Variants in APBA1 observed in about 807,000 individuals in gnomAD.
APBA1 encodes amyloid beta precursor protein binding family A member 1.
Under a neutral mutation model 86.6 loss-of-function variants are expected in APBA1, and 55 were observed. That is an observed-to-expected ratio of 0.64 (90% CI 0.51 to 0.80). APBA1 has a LOEUF of 0.80. Among genes scored for constraint, APBA1 ranks in the 30% least tolerant of loss-of-function variants. The pLI, the probability that APBA1 is intolerant of heterozygous loss-of-function variation, is 0.00. For synonymous variants in APBA1, 511 were observed against 493.9 expected (o/e 1.03, Z -0.46); for missense variants, 1,090 against 1,183.0 (o/e 0.92, Z 1.15).
chr9:69,616,130 A>G (rs572023583), intron 1 of APBA1, among the ~76,000 whole-genome samples: 6 of 152,336 alleles, frequency 3.9e-5, no homozygotes, highest in African/African-American at 1.4e-4. Flanking sequence ...CTTTTAGTCC[A>G]CGCAGTGAGT....
At chr9:69,519,394 G>A (rs1169568308) in intron 1 of APBA1, among the ~76,000 whole-genome samples, 4 of 152,226 alleles carry the variant, frequency 2.6e-5, no homozygotes, top group Non-Finnish European at 4.4e-5. Flanking sequence ...GCTGCTACGG[G>A]CCTCCAGTGG....
At chr9:69,482,030 C>G (rs1343325825) in intron 2 of APBA1, among the ~76,000 whole-genome samples, 1 of 150,904 alleles carries the variant, frequency 6.6e-6, no homozygotes, top group African/African-American at 2.4e-5. Flanking sequence ...AGAAGAAAAC[C>G]TAGGCATTAC....
chr9:69,512,844 CA>C (rs1382276193), intron 2 of APBA1, among the ~76,000 whole-genome samples: 2 of 152,080 alleles, frequency 1.3e-5, no homozygotes, highest in East Asian at 3.9e-4. Flanking sequence ...TAATAAGTAC[CA>C]CCCAGACAGA....
At chr9:69,441,310 CAT>C (rs1834819782) in intron 10 of APBA1, among the ~76,000 whole-genome samples, 195 bp from the exon 11 acceptor site, 1 of 152,224 alleles carries the variant, frequency 6.6e-6, no homozygotes, top group South Asian at 2.1e-4. Context: ...TAAGACGCCA[CAT>C]GTTGCAGATG....
chr9:69,456,338 G>A lies in APBA1; in HGVS notation c.1697C>T (p.Ser566Phe), dbSNP rs557817337. The change falls in exon 8 of 13, where the codon TCC becomes TTC. Residue 566 changes from serine to phenylalanine, a missense_variant. Transcript: ENST00000265381. ...VLMARRRMPR[S>F]NSQENVEASH... ...CGCTTCCACGTTCTCCTGGGAGTTG[G>A]AGCGAGGCATCCGCCGGCGGGCCAT... 3.1e-6 allele frequency: 5 copies of A among 1,614,028 alleles called. No homozygotes were observed. The South Asian group carries it at 4.4e-5, about 14-fold the overall frequency.
At chr9:69,671,971 G>A (rs1588422416) in intron 1 of APBA1, among the ~76,000 whole-genome samples, 182 bp downstream of exon 1, 1 of 152,106 alleles carries the variant, frequency 6.6e-6, no homozygotes, top group Admixed American at 6.5e-5. Context: ...CCCCCGCCTC[G>A]CTAGCTGATG....
chr9:69,490,963 T>C (rs893684917), intron 2 of APBA1, among the ~76,000 whole-genome samples: 4 of 152,076 alleles, frequency 2.6e-5, no homozygotes, highest in Non-Finnish European at 4.4e-5. Flanking sequence ...CAACAGGTGC[T>C]AGAGAGGATG....
chr9:69,590,764 C>T (rs564138314), intron 1 of APBA1, among the ~76,000 whole-genome samples: 24 of 152,328 alleles, frequency 1.6e-4, no homozygotes, highest in African/African-American at 5.8e-4. Context: ...CCTGGCTTCT[C>T]ACTCCCAGCT....
chr9:69,482,490 T>C (rs1588310534), intron 2 of APBA1, among the ~76,000 whole-genome samples: 2 of 151,094 alleles, frequency 1.3e-5, no homozygotes, highest in African/African-American at 2.4e-5. Flanking sequence ...CTGGAGAGGA[T>C]GTGGAGAAAC....
rs1836168360 is a variant in APBA1 at position 69,516,906 on chromosome 9, T to A, written c.305A>T (p.Asp102Val). ...CTGCGCGCGCTCCGCATCGTAGCCG[T>A]CGCGGGCCGCGGCGATCACGTCGCC... ...AEGDVIAAARDGYDAERAQDP... is the reference protein window; with the variant it reads ...AEGDVIAAARVGYDAERAQDP... The change falls in exon 2 of 13, where the codon GAC (aspartate) becomes GTC (valine). Residue 102 changes from aspartate to valine, a missense_variant. This residue lies in a region of APBA1 where 678 missense variants were observed against 647.1 expected (regional missense o/e 1.05). Transcript: ENST00000265381. This position sits in a 1 kb window ranked among gnomAD's most constrained non-coding sequence, Gnocchi z 7.3. The A allele has an allele frequency of 6.3e-7, 1 of 1,594,394 alleles. No individual in the cohort carries two copies. Among genetic ancestry groups the A allele is most frequent in the African/African-American group, 1.3e-5 (1 of 74,834 alleles).
intron 4 of APBA1, among the ~76,000 whole-genome samples, chr9:69,470,661 C>G (rs895236665): frequency 6.6e-6 from 1 of 152,196 alleles, no homozygotes; most frequent in African/African-American, 2.4e-5. Context: ...CAGTGGAACA[C>G]AATGACTGTT....
At chr9:69,502,995 C>T (rs540166906) in intron 2 of APBA1, among the ~76,000 whole-genome samples, 70 of 152,248 alleles carry the variant, frequency 4.6e-4, no homozygotes, top group Non-Finnish European at 8.2e-4. Flanking sequence ...TTTCTTTACT[C>T]TTATGTGTGT....
intron 11 of APBA1, among the ~76,000 whole-genome samples, chr9:69,436,575 C>A (rs1012079081): frequency 9.8e-6 from 1 of 101,656 alleles, no homozygotes; most frequent in Non-Finnish European, 2.1e-5. Flanking sequence ...ATTTGGCTCT[C>A]TGTTTGTTGT....
chr9:69,502,829 C>A (rs976492159), intron 2 of APBA1, among the ~76,000 whole-genome samples: 2 of 152,154 alleles, frequency 1.3e-5, no homozygotes, highest in African/African-American at 4.8e-5. Context: ...CTGCTGCTAT[C>A]CTTCCCACAA....
At chr9:69,633,337 T>A (rs1159181702) in intron 1 of APBA1, among the ~76,000 whole-genome samples, 1 of 151,550 alleles carries the variant, frequency 6.6e-6, no homozygotes, top group Non-Finnish European at 1.5e-5. Flanking sequence ...GACTGACACA[T>A]AGGTCATGCT....
chr9:69,436,211 G>A (rs142363820), intron 11 of APBA1, among the ~76,000 whole-genome samples: 8,928 of 149,792 alleles, frequency 0.06, 1,243 homozygotes, highest in African/African-American at 0.21. Context: ...GTCAGGTAGC[G>A]TGATGCCTCC....
In APBA1 at chr9:69,429,403, T is replaced by C. The variant is rs1238884725; in HGVS notation, c.*1924A>G. On this transcript the variant is annotated 3_prime_UTR_variant, in exon 13 of 13. Coordinates refer to ENST00000265381, the MANE Select transcript of APBA1 (RefSeq NM_001163.4). ...TTCTGTAAAGCATCCTTCAAAGAAGTCCTGGGGAGCTTTACGGACCATCCC... is the reference window on the plus strand; with the variant it reads ...TTCTGTAAAGCATCCTTCAAAGAAGCCCTGGGGAGCTTTACGGACCATCCC... 2.0e-5 allele frequency: 3 copies of C among 152,176 alleles called. No individual in the cohort carries two copies. The highest frequency in any genetic ancestry group is 4.4e-5 in the Non-Finnish European group (3 of 68,038). The allele number at this position is 152,176 out of a possible 1,614,324, so 9.4% of individuals were successfully genotyped here.
intron 1 of APBA1, among the ~76,000 whole-genome samples, chr9:69,649,048 C>G (rs942060604): frequency 1.3e-5 from 2 of 152,166 alleles, no homozygotes; most frequent in Non-Finnish European, 2.9e-5. Context: ...CATATCCAAC[C>G]TATCCCCAAG....
chr9:69,455,916 C>T (rs1835087922), intron 8 of APBA1, among the ~76,000 whole-genome samples: 1 of 152,186 alleles, frequency 6.6e-6, no homozygotes, highest in Non-Finnish European at 1.5e-5. Context: ...CCAAGGTCAC[C>T]TCCTCAAGTG....
Sources: allele counts gnomAD v4.1 joint callset (sites outside exome capture counted in the v4.1 genomes callset), GRCh38; gene constraint gnomAD v4.1.1; regional missense constraint gnomAD v4.1.1; non-coding constraint Gnocchi (gnomAD v3.1); transcripts MANE v1.5; gene names NCBI Gene and HGNC (gene_info 2026-07-23, HGNC 2026-07-21).